Variants in CALN1 observed in about 807,000 individuals in gnomAD.
CALN1 encodes calneuron 1, also known as calcium-binding protein 8.
A neutral mutation model predicts 30.6 loss-of-function variants in CALN1; 17 were observed. That is an observed-to-expected ratio of 0.56 (90% CI 0.38 to 0.83). The LOEUF (loss-of-function observed/expected upper bound fraction) is 0.83, where lower values mean the gene tolerates loss of function less well. CALN1 is among the 40% of genes least tolerant of loss of function. The pLI is 0.00. For missense variants in CALN1, 291 were observed against 354.9 expected (o/e 0.82, Z 1.45); for synonymous variants, 156 against 131.4 (o/e 1.19, Z -1.28).
chr7:72,058,926 G>C (rs1373478185), intron 4 of CALN1, among the ~76,000 whole-genome samples: 1 of 152,140 alleles, frequency 6.6e-6, no homozygotes, highest in Non-Finnish European at 1.5e-5. Flanking sequence ...TCAACAGGAG[G>C]AAGTGTAATC....
intron 3 of CALN1, among the ~76,000 whole-genome samples, chr7:72,157,792 G>A (rs1468175198): frequency 2.6e-5 from 4 of 152,178 alleles, no homozygotes; most frequent in Non-Finnish European, 1.5e-5. Context: ...TGCCCAGGCA[G>A]GAGTGCAGTG....
intron 1 of CALN1, among the ~76,000 whole-genome samples, chr7:72,422,041 T>C (rs553563470): frequency 2.0e-5 from 3 of 152,324 alleles, no homozygotes; most frequent in African/African-American, 7.2e-5. Context: ...GACCCGCACT[T>C]AGGCTGGTTC....
Position 71,926,060 on chromosome 7 carries a change from G to A in CALN1, c.501+97597C>T, listed in dbSNP as rs573526101. On this transcript the variant is annotated intron_variant, in intron 5 of 6. Transcript: ENST00000395275. ...GAGGACAACTGTCACAACTCAGATC[G>A]TGGTCCCTCTGTGGCCTTGAAGCCT... is the stretch of plus-strand genomic sequence containing the variant. Among the ~76,000 whole-genome samples the A allele has an allele frequency of 3.9e-5, 6 of 152,232 alleles. No individual in the cohort carries two copies. The South Asian group carries it at 8.3e-4, about 21-fold the overall frequency.
intron 3 of CALN1, among the ~76,000 whole-genome samples, chr7:72,169,050 CCCGCCTTGG>C (rs1375213248): frequency 6.6e-6 from 1 of 151,820 alleles, no homozygotes; most frequent in Non-Finnish European, 1.5e-5. Context: ...AGGTGATCCA[CCCGCCTTGG>C]CCTCCCAAAG....
At chr7:72,340,678 C>T (rs753159252) in intron 2 of CALN1, among the ~76,000 whole-genome samples, 6 of 152,124 alleles carry the variant, frequency 3.9e-5, no homozygotes, top group East Asian at 1.9e-4. Context: ...TTCAGAGATG[C>T]GCATAGAAGG....
At chr7:72,427,399 C>G (rs1005878102) in intron 1 of CALN1, among the ~76,000 whole-genome samples, 1 of 152,188 alleles carries the variant, frequency 6.6e-6, no homozygotes, top group African/African-American at 2.4e-5. Context: ...TCTCAAGCAG[C>G]ACAGAAATGA....
At chr7:72,226,349 T>C (rs1299488134) in intron 3 of CALN1, among the ~76,000 whole-genome samples, 2 of 151,040 alleles carry the variant, frequency 1.3e-5, no homozygotes, top group Non-Finnish European at 2.9e-5. Context: ...AAAATGAGGC[T>C]AACTCTGCCT....
At chr7:71,808,487 T>C (rs1787751709) in intron 6 of CALN1, among the ~76,000 whole-genome samples, 1 of 152,098 alleles carries the variant, frequency 6.6e-6, no homozygotes, top group Admixed American at 6.6e-5. Context: ...TTAATCATAT[T>C]ACATTAATTA....
chr7:72,344,313 C>T (rs951113877), intron 2 of CALN1, among the ~76,000 whole-genome samples: 9 of 151,720 alleles, frequency 5.9e-5, no homozygotes, highest in Non-Finnish European at 1.2e-4. Flanking sequence ...TAAGAAACTT[C>T]GTTTGGGGAT....
At chr7:72,487,848 A>G in the CALN1 span, among the ~76,000 whole-genome samples, 4 of 75,618 alleles carry the variant, frequency 5.3e-5, no homozygotes, top group Non-Finnish European at 9.6e-5. Flanking sequence ...GAGAAAGAAA[A>G]AGAAAGAGAA....
intron 2 of CALN1, among the ~76,000 whole-genome samples, chr7:72,351,278 G>A (rs1174244701): frequency 1.3e-5 from 2 of 152,130 alleles, no homozygotes; most frequent in African/African-American, 4.8e-5. Context: ...TGAGGCAGGA[G>A]GATCACTTGA....
chr7:72,156,731 C>T (rs953064785), intron 3 of CALN1, among the ~76,000 whole-genome samples: 1 of 152,214 alleles, frequency 6.6e-6, no homozygotes, highest in African/African-American at 2.4e-5. Context: ...ATCATAATCT[C>T]CTCACTCTGA....
At chr7:72,081,939 A>T (rs13224539) in intron 4 of CALN1, among the ~76,000 whole-genome samples, 34,612 of 152,142 alleles carry the variant, frequency 0.23, 4,888 homozygotes, top group East Asian at 0.69. Flanking sequence ...AGAGGTTTTC[A>T]TTCATGGTAG....
chr7:72,109,802 G>C (rs964840689), intron 3 of CALN1, among the ~76,000 whole-genome samples: 1 of 152,214 alleles, frequency 6.6e-6, no homozygotes, highest in African/African-American at 2.4e-5. Flanking sequence ...AGCCCATGAG[G>C]CAGCCAGCGC....
the CALN1 span, among the ~76,000 whole-genome samples, chr7:72,458,214 T>G: frequency 1.9e-5 from 2 of 103,402 alleles, no homozygotes; most frequent in African/African-American, 3.8e-5. Flanking sequence ...ATATATTTTA[T>G]AATATATTAT....
Position 72,315,099 on chromosome 7 carries a change from A to G in CALN1, c.120-36289T>C, listed in dbSNP as rs551729156. Among the ~76,000 whole-genome samples, 66 of 152,110 alleles carry G rather than the reference A, an allele frequency of 4.3e-4. 1 individual carries two copies. The South Asian group carries it at 6.7e-3, about 15-fold the overall frequency. ...TAGGGGTTCAAGGTGGCAGTGAGCT[A>G]TGATCGCACCACTGCACCCCAGCCT... On this transcript the variant is annotated intron_variant, in intron 2 of 6. Transcript: ENST00000395275.
rs922311608 is a variant in CALN1 at position 72,001,513 on chromosome 7, A to G, written c.501+22144T>C. Among the ~76,000 whole-genome samples the G allele has an allele frequency of 2.0e-5, 3 of 152,120 alleles. No homozygotes were observed. The East Asian group carries it at 5.8e-4, about 29-fold the overall frequency. ...ACTGTGCATGTGGACAGCCCACCCC[A>G]AGGGGAGAATAAGGGGAGAAGGGAC... On this transcript the variant is annotated intron_variant, in intron 5 of 6. Transcript: ENST00000395275.
At chr7:72,184,524 G>A (rs77419688) in intron 3 of CALN1, among the ~76,000 whole-genome samples, 1 of 152,340 alleles carries the variant, frequency 6.6e-6, no homozygotes, top group East Asian at 1.9e-4. Flanking sequence ...TGGCACATAG[G>A]AAGCACTCAG....
the CALN1 span, among the ~76,000 whole-genome samples, chr7:72,494,858 C>A: frequency 6.6e-6 from 1 of 150,984 alleles, no homozygotes; most frequent in East Asian, 1.9e-4. Context: ...CAGAGAAAGA[C>A]CCTGTCTCAA....
Sources: gnomAD v4.1 joint callset for allele counts (sites outside exome capture counted in the v4.1 genomes callset) on GRCh38, gnomAD v4.1.1 for gene constraint, MANE v1.5 for transcripts, NCBI Gene and HGNC (gene_info 2026-07-23, HGNC 2026-07-21) for gene names.